PABIR2: variants seen among roughly 807,000 people sequenced by gnomAD.
PABIR2 encodes PABIR family member 2, also known as family with sequence similarity 122B.
In PABIR2, 7 loss-of-function variants were observed where a neutral mutation model predicts 22.8. The observed-to-expected ratio is 0.31, with a 90% CI of 0.17 to 0.58. PABIR2 has a LOEUF of 0.58. Ranked by LOEUF, PABIR2 falls within the 20% of genes least tolerant of loss-of-function variation. PABIR2 has a pLI of 0.89. For missense variants in PABIR2, 155 were observed against 205.1 expected (o/e 0.76, Z 1.49); for synonymous variants, 67 against 73.8 (o/e 0.91, Z 0.47).
At chrX:134,775,412 G>C (rs1801347048) in intron 9 of PABIR2, among the ~76,000 whole-genome samples, 1 of 106,544 alleles carries the variant, frequency 9.4e-6, no homozygotes, top group African/African-American at 3.4e-5. Context: ...CAGCTACTTG[G>C]AGAGGCTGAG....
chrX:134,779,814 T>C (rs770547201), intron 9 of PABIR2, among the ~76,000 whole-genome samples: 6 of 112,631 alleles, frequency 5.3e-5, no homozygotes, highest in African/African-American at 1.6e-4. Context: ...AACCTATTTA[T>C]AGCCATGTGC....
At chrX:134,781,596 C>T (rs941560627) in intron 9 of PABIR2, among the ~76,000 whole-genome samples, 3 of 111,866 alleles carry the variant, frequency 2.7e-5, no homozygotes, top group East Asian at 2.8e-4. Context: ...TTGCTATTAA[C>T]GAAGCACCTG....
At chrX:134,781,471 T>A (rs1483996513) in intron 9 of PABIR2, among the ~76,000 whole-genome samples, 1 of 111,987 alleles carries the variant, frequency 8.9e-6, no homozygotes, top group Non-Finnish European at 1.9e-5. Context: ...TAATAATTTT[T>A]AAAAATCTGT....
intron 2 of PABIR2, among the ~76,000 whole-genome samples, chrX:134,791,328 A>G (rs1225451319): frequency 9.0e-6 from 1 of 111,543 alleles, no homozygotes; most frequent in East Asian, 2.8e-4. Context: ...GGTACTGGTG[A>G]CTTTTGCAAG....
chrX:134,791,615 G>A lies in PABIR2; in HGVS notation c.178-1979C>T, dbSNP rs961982946. ...TGATAGACCGAGCAAAGCAACAGGAGAGTCAAAAGCATATGAACCATTGGG... is the reference window on the plus strand; with the variant it reads ...TGATAGACCGAGCAAAGCAACAGGAAAGTCAAAAGCATATGAACCATTGGG... On this transcript the variant is annotated intron_variant, in intron 2 of 9. Transcript: ENST00000343004. 1.5e-5 allele frequency: 5 copies of A among 328,429 alleles called. No individual in the cohort carries two copies. In the Admixed American group the frequency reaches 1.6e-4, roughly 10 times the overall value. The allele number at this position is 328,429 out of a possible 1,213,427, so 27.1% of individuals were successfully genotyped here.
intron 9 of PABIR2, among the ~76,000 whole-genome samples, chrX:134,778,435 C>T (rs1249406788): frequency 1.0e-5 from 1 of 96,692 alleles, no homozygotes; most frequent in African/African-American, 3.9e-5. Flanking sequence ...ACCAGGGAGG[C>T]GGAAGTTGCT....
At chrX:134,791,788 A>T (rs1019591853) in intron 2 of PABIR2, 4 of 271,330 alleles carry the variant, frequency 1.5e-5, no homozygotes, top group African/African-American at 8.5e-5. Flanking sequence ...AGAATCTTTT[A>T]AAAAAGTGAG....
chrX:134,774,280 G>A (rs1428047879), intron 9 of PABIR2, among the ~76,000 whole-genome samples: 2 of 111,747 alleles, frequency 1.8e-5, no homozygotes, highest in Non-Finnish European at 3.8e-5. Context: ...TTTGCCTTTG[G>A]AACATATGTG....
chrX:134,792,586 A>G (rs2079578151), intron 2 of PABIR2, among the ~76,000 whole-genome samples: 1 of 112,086 alleles, frequency 8.9e-6, no homozygotes, highest in Non-Finnish European at 1.9e-5. Context: ...AATGTGTTCT[A>G]TTTTTCCCTT....
intron 9 of PABIR2, among the ~76,000 whole-genome samples, chrX:134,777,524 C>CA (rs1177263144): frequency 0.018 from 520 of 29,081 alleles, 3 homozygotes; most frequent in Middle Eastern, 0.031. Flanking sequence ...GATCTTGTAT[C>CA]AAAAAAAAAA....
chrX:134,782,512 C>A (rs757063066), intron 8 of PABIR2, among the ~76,000 whole-genome samples: 5 of 111,204 alleles, frequency 4.5e-5, no homozygotes, highest in Non-Finnish European at 9.5e-5. Context: ...TACAGATCTT[C>A]TCAGAATTGC....
intron 5 of PABIR2, 71 bp downstream of exon 5, chrX:134,789,014 A>G (rs1432259308): frequency 8.5e-7 from 1 of 1,170,258 alleles, no homozygotes; most frequent in Non-Finnish European, 1.2e-6. Flanking sequence ...GTGCGAAAAA[A>G]TTAATGAACC....
intron 1 of PABIR2, among the ~76,000 whole-genome samples, chrX:134,794,499 G>A (rs1389718415): frequency 9.0e-6 from 1 of 111,068 alleles, no homozygotes; most frequent in Non-Finnish European, 1.9e-5. Flanking sequence ...ACCCTTCAGT[G>A]AAGGCATGGC....
chrX:134,781,628 T>G lies in PABIR2; in HGVS notation c.659+193A>C, dbSNP rs771085063. Among the ~76,000 whole-genome samples, 105 of 111,835 alleles carry G rather than the reference T, an allele frequency of 9.4e-4. 1 individual carries two copies. The highest frequency in any genetic ancestry group is 3.2e-3 in the African/African-American group (98 of 30,855). Reference sequence around the variant, plus strand: ...CCTGTATCAACTCTTTCTAATCTCTTTGCAATGGTGTTTTGAGTTTTGTCA... The same window carrying G: ...CCTGTATCAACTCTTTCTAATCTCTGTGCAATGGTGTTTTGAGTTTTGTCA... On this transcript the variant is annotated intron_variant, in intron 9 of 9. Transcript: ENST00000343004.
In PABIR2 at chrX:134,769,974, A is replaced by C. The variant is rs2078813447; in HGVS notation, c.*2165T>G. 8.9e-6 allele frequency: 1 copy of C among 112,496 alleles called. No homozygotes were observed. The highest frequency in any genetic ancestry group is 1.9e-5 in the Non-Finnish European group (1 of 53,242). The allele number at this position is 112,496 out of a possible 1,213,427, so 9.3% of individuals were successfully genotyped here. A position where few individuals can be genotyped will look rare whatever the true frequency, so the allele number is the denominator to read the frequency against. ...AAAAATGAAGCTTGGTTTAAATAATAAAGTGAATCATCTTGTCTCCTAGTT... is the reference window on the plus strand; with the variant it reads ...AAAAATGAAGCTTGGTTTAAATAATCAAGTGAATCATCTTGTCTCCTAGTT... On this transcript the variant is annotated 3_prime_UTR_variant, in exon 10 of 10. Coordinates refer to ENST00000343004, the MANE Select transcript of PABIR2 (RefSeq NM_001387468.1).
chrX:134,774,065 T>C (rs2078902146), intron 9 of PABIR2, among the ~76,000 whole-genome samples: 1 of 112,104 alleles, frequency 8.9e-6, no homozygotes, highest in Non-Finnish European at 1.9e-5. Context: ...AAACAGTATA[T>C]TCCACACTAC....
At chrX:134,783,715 A>AC (rs2079218302) in intron 8 of PABIR2, among the ~76,000 whole-genome samples, 1 of 106,813 alleles carries the variant, frequency 9.4e-6, no homozygotes, top group Non-Finnish European at 1.9e-5. Context: ...ACAGAGCAAG[A>AC]CTCCGTCTCA....
At chrX:134,787,330 C>T in intron 7 of PABIR2, 142 bp downstream of exon 7, 1 of 501,345 alleles carries the variant, frequency 2.0e-6, no homozygotes, top group Non-Finnish European at 3.4e-6. Flanking sequence ...GAACTCTTGA[C>T]CTCAGGTAAT....
rs2078837273 is a variant in PABIR2, at chrX:134,771,517, C to T, written c.*622G>A. The T allele has an allele frequency of 2.0e-6, 2 of 998,664 alleles. No homozygotes were observed. Among genetic ancestry groups the T allele is most frequent in the Admixed American group, 5.0e-5 (1 of 19,915 alleles). The allele number at this position is 998,664 out of a possible 1,213,427, so 82.3% of individuals were successfully genotyped here. On this transcript the variant is annotated 3_prime_UTR_variant, in exon 10 of 10. Coordinates refer to ENST00000343004, the MANE Select transcript of PABIR2 (RefSeq NM_001387468.1). Reference sequence around the variant, plus strand: ...CTAAAATCAATGCTCACTTCACACACCCCAACAGCAAAGAAGCAATAAGAG... The same window carrying T: ...CTAAAATCAATGCTCACTTCACACATCCCAACAGCAAAGAAGCAATAAGAG...
Sources: allele counts gnomAD v4.1 joint callset (sites outside exome capture counted in the v4.1 genomes callset), GRCh38; gene constraint gnomAD v4.1.1; transcripts MANE v1.5; gene names NCBI Gene and HGNC (gene_info 2026-07-23, HGNC 2026-07-21).